The following COPS4 variants were observed in gnomAD, a reference collection of about 807,000 sequenced individuals.
COPS4 encodes the protein COP9 signalosome subunit 4.
Under a neutral mutation model 55.1 loss-of-function variants are expected in COPS4, and 8 were observed. The ratio of observed to expected loss-of-function variants is 0.15; its 90% confidence interval spans 0.09 to 0.26. The LOEUF (loss-of-function observed/expected upper bound fraction) is 0.26, where lower values mean the gene tolerates loss of function less well. Among genes scored for constraint, COPS4 ranks in the 10% least tolerant of loss-of-function variants. COPS4 has a pLI of 1.00. For synonymous variants in COPS4, 185 were observed against 165.7 expected (o/e 1.12, Z -0.90); for missense variants, 248 against 484.0 (o/e 0.51, Z 4.58).
At chr4:83,074,804 C>A (rs926411486) in intron 9 of COPS4, among the ~76,000 whole-genome samples, 9 of 151,848 alleles carry the variant, frequency 5.9e-5, no homozygotes, top group Non-Finnish European at 1.0e-4. Flanking sequence ...CCATGCCTGG[C>A]CTGAGTTTTA....
At chr4:83,073,082 T>C (rs1459653256) in intron 9 of COPS4, 1 of 430,140 alleles carries the variant, frequency 2.3e-6, no homozygotes, top group Non-Finnish European at 4.1e-6. Context: ...AACAATTCAA[T>C]GGCCTGTAGT....
intron 1 of COPS4, among the ~76,000 whole-genome samples, chr4:83,038,950 A>C (rs374052276): frequency 6.6e-5 from 10 of 152,132 alleles, no homozygotes; most frequent in Non-Finnish European, 1.2e-4. Flanking sequence ...GCCAGCACTT[A>C]CCTGTTTTTA....
intron 1 of COPS4, among the ~76,000 whole-genome samples, chr4:83,037,295 A>G (rs937107621): frequency 2.0e-5 from 3 of 152,186 alleles, no homozygotes; most frequent in Non-Finnish European, 4.4e-5. Context: ...AAATCAGAAG[A>G]CCAGCCCAGA....
At chr4:83,050,780 G>A (rs1730870145) in intron 4 of COPS4, among the ~76,000 whole-genome samples, 1 of 152,136 alleles carries the variant, frequency 6.6e-6, no homozygotes, top group African/African-American at 2.4e-5. Context: ...TGGGGACCAG[G>A]TTATGTGGAG....
intron 9 of COPS4, among the ~76,000 whole-genome samples, chr4:83,071,031 A>T (rs1022258844): frequency 6.6e-6 from 1 of 152,184 alleles, no homozygotes; most frequent in Non-Finnish European, 1.5e-5. Context: ...CTCAATTTGA[A>T]TATCCTTAAT....
chr4:83,071,940 G>A (rs1731440964), intron 9 of COPS4, among the ~76,000 whole-genome samples: 1 of 152,054 alleles, frequency 6.6e-6, no homozygotes, highest in South Asian at 2.1e-4. Context: ...TTGATCTCAT[G>A]ACCTCGTGAT....
chr4:83,049,953 T>C lies in COPS4; in HGVS notation c.379T>C (p.Leu127=). ...AGATTGGAGAAATGCAGCCCAAGTG[T>C]TGGTGGGAATTCCTTTGGAAACAGG... ...EEDWRNAAQV[L]VGIPLETGQK... is the part of the protein sequence containing the mutation. The change falls in exon 4 of 10, where the codon TTG becomes CTG. Residue 127 remains leucine, a synonymous_variant. Coordinates refer to ENST00000264389, the MANE Select transcript of COPS4 (RefSeq NM_016129.3). 1 of 1,611,056 alleles carries C rather than the reference T, an allele frequency of 6.2e-7. No homozygotes were observed. The highest frequency in any genetic ancestry group is 8.5e-7 in the Non-Finnish European group (1 of 1,178,384).
In COPS4 at chr4:83,049,195, T is replaced by G; in HGVS notation, c.184T>G (p.Ser62Ala). 1.2e-6 allele frequency: 2 copies of G among 1,607,140 alleles called. No homozygotes were observed. The highest frequency in any genetic ancestry group is 4.5e-5 in the East Asian group (2 of 44,774). Residue 62 changes from serine to alanine, a missense_variant, in exon 3 of 10, where the codon TCG becomes GCG. Around this residue, in one of 4 missense-constraint regions of COPS4, gnomAD observed 155 missense variants for 326.6 expected, o/e 0.47. Coordinates refer to ENST00000264389, the MANE Select transcript of COPS4 (RefSeq NM_016129.3). ...AAATGAGAATGTCAGTCTCGTGATCTCGCGGCAGTTGCTGACTGATTTTTG... is the reference window on the plus strand; with the variant it reads ...AAATGAGAATGTCAGTCTCGTGATCGCGCGGCAGTTGCTGACTGATTTTTG... ...MVNENVSLVI[S>A]RQLLTDFCTH...
chr4:83,060,186 CT>C (rs70943198), intron 6 of COPS4, among the ~76,000 whole-genome samples: 156 of 139,874 alleles, frequency 1.1e-3, no homozygotes, highest in Non-Finnish European at 9.0e-4. Context: ...TGGTATAGTT[CT>C]TTTTTTTTTT....
At chr4:83,049,483 A>G in intron 3 of COPS4, 166 bp downstream of exon 3, 1 of 567,290 alleles carries the variant, frequency 1.8e-6, no homozygotes, top group African/African-American at 2.0e-5. Context: ...TTAGGTTGTT[A>G]CAACTCCAAC....
chr4:83,064,414 C>T (rs925470268), intron 7 of COPS4, among the ~76,000 whole-genome samples: 1 of 152,134 alleles, frequency 6.6e-6, no homozygotes, highest in African/African-American at 2.4e-5. Flanking sequence ...TGTGGCATTA[C>T]TTTCACATTG....
chr4:83,059,106 T>C lies in COPS4; in HGVS notation c.715+1698T>C, dbSNP rs1047062032. Among the ~76,000 whole-genome samples, 16 of 152,312 alleles carry C rather than the reference T, an allele frequency of 1.1e-4. No homozygotes were observed. The South Asian group carries it at 1.9e-3, about 18-fold the overall frequency. On this transcript the variant is annotated intron_variant, in intron 6 of 9. Coordinates refer to ENST00000264389, the MANE Select transcript of COPS4 (RefSeq NM_016129.3). The stretch of plus-strand genomic sequence containing the variant: ...CTTTATTGAGTGAATTATACATTTA[T>C]GTTGACTGGCCATTTTTTGAGTTGT...
intron 4 of COPS4, among the ~76,000 whole-genome samples, chr4:83,055,764 C>T (rs549469357): frequency 6.6e-6 from 1 of 151,954 alleles, no homozygotes; most frequent in South Asian, 2.1e-4. Context: ...TTTTTATGCA[C>T]CACAACTTGA....
chr4:83,056,829 A>G (rs1466218422), intron 4 of COPS4, 97 bp from the exon 5 acceptor site: 2 of 1,050,354 alleles, frequency 1.9e-6, no homozygotes, highest in Admixed American at 4.8e-5. Flanking sequence ...TTACGGTACC[A>G]GAATATATAT....
chr4:83,050,489 C>T (rs1730865042), intron 4 of COPS4, among the ~76,000 whole-genome samples: 2 of 152,004 alleles, frequency 1.3e-5, no homozygotes. Context: ...TAGATTTTCA[C>T]CATGTTTACT....
At chr4:83,064,577 G>C (rs1181174751) in intron 7 of COPS4, among the ~76,000 whole-genome samples, 1 of 152,082 alleles carries the variant, frequency 6.6e-6, no homozygotes, top group African/African-American at 2.4e-5. Context: ...GGAACAGACT[G>C]AGGAGAGAAG....
At chr4:83,069,469 A>AG (rs1332241393) in intron 9 of COPS4, among the ~76,000 whole-genome samples, 1 of 152,196 alleles carries the variant, frequency 6.6e-6, no homozygotes, top group Non-Finnish European at 1.5e-5. Context: ...GGCATCAGAC[A>AG]GGCTGATACC....
At chr4:83,047,890 A>G (rs1162453499) in intron 2 of COPS4, among the ~76,000 whole-genome samples, 1 of 152,068 alleles carries the variant, frequency 6.6e-6, no homozygotes, top group Middle Eastern at 3.2e-3. Flanking sequence ...AGTCCCAGCT[A>G]CTCAGGAGGC....
intron 6 of COPS4, among the ~76,000 whole-genome samples, chr4:83,058,552 A>G (rs1026351202): frequency 6.6e-6 from 1 of 152,038 alleles, no homozygotes; most frequent in Non-Finnish European, 1.5e-5. Flanking sequence ...TATCTTATTT[A>G]TTTTATTTTT....
Sources: allele counts gnomAD v4.1 joint callset (sites outside exome capture counted in the v4.1 genomes callset), GRCh38; gene constraint gnomAD v4.1.1; regional missense constraint gnomAD v4.1.1; transcripts MANE v1.5; gene names NCBI Gene and HGNC (gene_info 2026-07-23, HGNC 2026-07-21).